PATJ: variants seen among roughly 807,000 people sequenced by gnomAD.
The protein encoded by PATJ is inaD-like protein.
A neutral mutation model predicts 224.9 loss-of-function variants in PATJ; 190 were observed. That is an observed-to-expected ratio of 0.84 (90% CI 0.75 to 0.95). PATJ has a LOEUF of 0.95. Among genes scored for constraint, PATJ ranks in the 40% least tolerant of loss-of-function variants. PATJ has a pLI of 0.00. For synonymous variants in PATJ, 769 were observed against 820.3 expected, an observed-to-expected ratio of 0.94 and a Z score of 1.07; for missense variants, 2,121 against 2,270.3, an observed-to-expected ratio of 0.93 and a Z score of 1.34.
At chr1:62,140,472 G>A (rs1410836808) in intron 41 of PATJ, among the ~76,000 whole-genome samples, 1 of 152,076 alleles carries the variant, frequency 6.6e-6, no homozygotes, top group Admixed American at 6.6e-5. Context: ...GGCCAACATG[G>A]TGAAACCCCG....
intron 17 of PATJ, among the ~76,000 whole-genome samples, chr1:61,837,058 G>A (rs1393458129): frequency 6.6e-6 from 1 of 152,172 alleles, no homozygotes; most frequent in Non-Finnish European, 1.5e-5. Context: ...TCTAGAACAA[G>A]AACTTTTTGA....
chr1:62,089,137 C>T (rs1194665275), intron 33 of PATJ, among the ~76,000 whole-genome samples: 2 of 152,086 alleles, frequency 1.3e-5, no homozygotes, highest in East Asian at 1.9e-4. Flanking sequence ...TTCATCAGCA[C>T]GTCCAGCCTA....
At chr1:61,927,963 T>C (rs1313775587) in intron 27 of PATJ, 134 bp downstream of exon 27, 1 of 637,444 alleles carries the variant, frequency 1.6e-6, no homozygotes, top group Admixed American at 3.3e-5. Flanking sequence ...AAATCAAATC[T>C]ATACCTTTGA....
intron 31 of PATJ, among the ~76,000 whole-genome samples, chr1:62,057,184 G>A (rs529921380): frequency 1.7e-3 from 256 of 152,290 alleles, no homozygotes; most frequent in African/African-American, 5.7e-3. Flanking sequence ...CTAAGAGAGC[G>A]TATGAAAGGG....
chr1:61,799,351 A>G (rs1651996912), intron 11 of PATJ, among the ~76,000 whole-genome samples: 1 of 151,940 alleles, frequency 6.6e-6, no homozygotes, highest in Non-Finnish European at 1.5e-5. Flanking sequence ...GCCCGCCACC[A>G]TGCCTGGCTA....
chr1:62,158,502 G>A lies in PATJ; in HGVS notation c.5503-2406G>A, dbSNP rs572218936. Reference sequence around the variant, plus strand: ...TGGGAGGCCAAGGTGGGCGGATCACGAGGTCAGGAGATTGAGACCATCCTG... The same window carrying A: ...TGGGAGGCCAAGGTGGGCGGATCACAAGGTCAGGAGATTGAGACCATCCTG... On this transcript the variant is annotated intron_variant, in intron 43 of 43. Coordinates refer to ENST00000642238, the MANE Select transcript of PATJ (RefSeq NM_001350145.3). Among the ~76,000 whole-genome samples the A allele has an allele frequency of 6.1e-5, 9 of 148,646 alleles. 1 individual carries two copies. Among genetic ancestry groups the A allele is most frequent in the African/African-American group, 9.7e-5 (4 of 41,236 alleles).
intron 28 of PATJ, among the ~76,000 whole-genome samples, chr1:62,009,237 A>G (rs78963632): frequency 0.11 from 17,021 of 152,154 alleles, 1,272 homozygotes; most frequent in Non-Finnish European, 0.16. Flanking sequence ...TATTGAACCT[A>G]TTTATTTACA....
In PATJ at chr1:61,886,074, G is replaced by T. The variant is rs572863263; in HGVS notation, c.3131+1666G>T. On this transcript the variant is annotated intron_variant, in intron 22 of 43. Transcript: ENST00000642238. Reference sequence around the variant, plus strand: ...GATAGCATTAGGAGATATACCTAATGCTAAATGACGAGTTAATGGGTGCAG... The same window carrying T: ...GATAGCATTAGGAGATATACCTAATTCTAAATGACGAGTTAATGGGTGCAG... Among the ~76,000 whole-genome samples, 18 of 151,982 alleles carry T rather than the reference G, an allele frequency of 1.2e-4. No homozygotes were observed. In the East Asian group the frequency reaches 3.5e-3, roughly 29 times the overall value.
intron 18 of PATJ, 125 bp from the exon 19 acceptor site, chr1:61,861,426 A>G (rs1664593531): frequency 1.9e-6 from 1 of 523,856 alleles, no homozygotes; most frequent in African/African-American, 2.0e-5. Flanking sequence ...TACTGCACTT[A>G]TCAACCCATC....
At chr1:61,908,539 C>G in intron 25 of PATJ, 57 bp downstream of exon 25, 2 of 1,017,716 alleles carry the variant, frequency 2.0e-6, no homozygotes, top group Non-Finnish European at 3.1e-6. Flanking sequence ...ACCTGCAGAC[C>G]AAGCTTTGGC....
chr1:62,009,320 ATG>A (rs1646287958), intron 28 of PATJ, among the ~76,000 whole-genome samples: 1 of 152,102 alleles, frequency 6.6e-6, no homozygotes, highest in South Asian at 2.1e-4. Context: ...TAAGTGAGTC[ATG>A]TGTGTTTTTT....
intron 32 of PATJ, among the ~76,000 whole-genome samples, chr1:62,083,235 C>G (rs1659513942): frequency 6.6e-6 from 1 of 152,172 alleles, no homozygotes; most frequent in Non-Finnish European, 1.5e-5. Context: ...AGCGATTCTC[C>G]TGCCTTAGTC....
At chr1:62,030,835 G>A (rs983138700) in intron 29 of PATJ, among the ~76,000 whole-genome samples, 5 of 152,088 alleles carry the variant, frequency 3.3e-5, no homozygotes, top group Admixed American at 2.0e-4. Flanking sequence ...TATCCATGTC[G>A]TGTTTATCAA....
At position 62,114,058 on chromosome 1, in the gene PATJ, T is replaced by C. The variant is rs772009362; in HGVS notation, c.4467T>C (p.Asn1489=). The part of the protein sequence containing the change: ...LWAGDQILEV[N]GVDLRNSSHE... ...CAGGATGCCCATTGTTCCAGGTTAA[T>C]GGGGTTGACCTGAGGAACTCCAGCC... The change falls in exon 35 of 44, where the codon AAT becomes AAC. Residue 1489 remains asparagine (N), a synonymous_variant. Coordinates refer to ENST00000642238, the MANE Select transcript of PATJ (RefSeq NM_001350145.3). 3.1e-6 allele frequency: 5 copies of C among 1,613,730 alleles called. No individual in the cohort carries two copies. In the East Asian group the frequency reaches 1.1e-4, roughly 36 times the overall value.
intron 41 of PATJ, among the ~76,000 whole-genome samples, chr1:62,130,536 T>A (rs1316984083): frequency 6.6e-6 from 1 of 151,092 alleles, no homozygotes; most frequent in Non-Finnish European, 1.5e-5. Context: ...TTAATTTTAA[T>A]AATAAAAAAT....
Position 62,106,158 on chromosome 1 carries a change from GTATATATATATATATATATATA to G in PATJ, c.4378-2271_4378-2250del, listed in dbSNP as rs61653676. ...TACATGTGTATATGTGTGTGTGTGT[GTATATATATATATATATATATA>G]TATATATGGCTGGGCACAGCGGCTC... On this transcript the variant is annotated intron_variant, in intron 33 of 43. Coordinates refer to ENST00000642238, the MANE Select transcript of PATJ (RefSeq NM_001350145.3). Among the ~76,000 whole-genome samples the G allele has an allele frequency of 2.1e-4, 10 of 48,066 alleles. No homozygotes were observed. In the East Asian group the frequency reaches 3.5e-3, roughly 17 times the overall value. The allele number at this position is 48,066 out of a possible 152,430, so 31.5% of individuals were successfully genotyped here.
At chr1:61,941,622 G>T (rs1026782987) in intron 27 of PATJ, among the ~76,000 whole-genome samples, 1 of 152,140 alleles carries the variant, frequency 6.6e-6, no homozygotes, top group South Asian at 2.1e-4. Context: ...CTGCACTCCA[G>T]CCTGGGCAAC....
At chr1:61,802,216 C>T (rs969792237) in intron 12 of PATJ, among the ~76,000 whole-genome samples, 26 of 152,158 alleles carry the variant, frequency 1.7e-4, no homozygotes, top group African/African-American at 6.3e-4. Context: ...GCCTCAGCCT[C>T]CCGAGTAGCT....
intron 41 of PATJ, among the ~76,000 whole-genome samples, chr1:62,135,500 A>G (rs1364073937): frequency 2.2e-5 from 3 of 134,878 alleles, no homozygotes; most frequent in African/African-American, 8.4e-5. Flanking sequence ...TGGGTGACAG[A>G]GCGAGACTCC....
Sources: allele counts gnomAD v4.1 joint callset (sites outside exome capture counted in the v4.1 genomes callset), GRCh38; gene constraint gnomAD v4.1.1; transcripts MANE v1.5; gene names NCBI Gene and HGNC (gene_info 2026-07-23, HGNC 2026-07-21).